Variants in PPP6R2 observed in about 807,000 individuals in gnomAD.
The protein encoded by PPP6R2 is serine/threonine-protein phosphatase 6 regulatory subunit 2.
In PPP6R2, 62 loss-of-function variants were observed where a neutral mutation model predicts 100.2. The observed-to-expected ratio is 0.62, with a 90% CI of 0.50 to 0.76. The LOEUF (loss-of-function observed/expected upper bound fraction) is 0.76. Among genes scored for constraint, PPP6R2 ranks in the 30% least tolerant of loss-of-function variants. The pLI, the probability that PPP6R2 is intolerant of heterozygous loss-of-function variation, is 0.00. For synonymous variants in PPP6R2, 525 were observed against 514.7 expected, an observed-to-expected ratio of 1.02 and a Z score of -0.27; for missense variants, 1,142 against 1,276.3, an observed-to-expected ratio of 0.89 and a Z score of 1.60.
At chr22:50,351,093 TGCAATGGC>T (rs2045098878) in intron 1 of PPP6R2, among the ~76,000 whole-genome samples, 1 of 125,032 alleles carries the variant, frequency 8.0e-6, no homozygotes, top group Non-Finnish European at 1.6e-5. Flanking sequence ...CAGGCTGGAG[TGCAATGGC>T]GCAATCTTGG....
intron 1 of PPP6R2, among the ~76,000 whole-genome samples, chr22:50,358,010 G>A (rs2046979043): frequency 6.6e-6 from 1 of 151,832 alleles, no homozygotes; most frequent in Admixed American, 6.6e-5. Flanking sequence ...GGAGTGCAGT[G>A]GCGTGATCGT....
intron 1 of PPP6R2, among the ~76,000 whole-genome samples, chr22:50,352,825 G>A (rs1387717133): frequency 6.6e-6 from 1 of 152,102 alleles, no homozygotes; most frequent in Non-Finnish European, 1.5e-5. Context: ...CCAGCACTTT[G>A]GGAGGCTGAG....
At chr22:50,349,588 G>C (rs187093330) in intron 1 of PPP6R2, among the ~76,000 whole-genome samples, 140 of 152,162 alleles carry the variant, frequency 9.2e-4, no homozygotes, top group African/African-American at 3.3e-3. Context: ...CAGTTTGGGA[G>C]GCTGAGGCAG....
chr22:50,424,104 C>A (rs571122744), intron 10 of PPP6R2, among the ~76,000 whole-genome samples: 1 of 152,162 alleles, frequency 6.6e-6, no homozygotes, highest in Non-Finnish European at 1.5e-5. Context: ...AAGGGGCAGG[C>A]GGTGCTGGCA....
At chr22:50,419,095 A>G (rs1419744898) in intron 7 of PPP6R2, 116 bp downstream of exon 7, 4 of 884,948 alleles carry the variant, frequency 4.5e-6, no homozygotes, top group Non-Finnish European at 7.2e-6. Flanking sequence ...TCACATTCGA[A>G]TGAACCCCAG....
At chr22:50,361,650 G>A (rs189353060) in intron 1 of PPP6R2, among the ~76,000 whole-genome samples, 1 of 152,056 alleles carries the variant, frequency 6.6e-6, no homozygotes, top group East Asian at 1.9e-4. Flanking sequence ...AACAGTCTCA[G>A]CCCAGAGTAT....
chr22:50,444,392 G>C lies in PPP6R2; in HGVS notation c.*145G>C. ...TTGGTAAAGCTGGCAGTTGAAACCA[G>C]TTGGACGGCCCAGCTTGCGTCTCTT... is the stretch of plus-strand genomic sequence containing the variant. On this transcript the variant is annotated 3_prime_UTR_variant, in exon 24 of 24. Coordinates refer to ENST00000612753, the MANE Select transcript of PPP6R2 (RefSeq NM_001242898.2). The C allele has an allele frequency of 9.0e-7, 1 of 1,110,806 alleles. No individual in the cohort carries two copies. Among genetic ancestry groups the C allele is most frequent in the Admixed American group, 2.7e-5 (1 of 37,316 alleles). 68.8% of individuals were successfully genotyped at this position (1,110,806 alleles called of 1,614,324 possible). A position where few individuals can be genotyped will look rare whatever the true frequency, so the allele number is the denominator to read the frequency against.
intron 18 of PPP6R2, 31 bp from the exon 19 acceptor site, chr22:50,438,568 C>T: frequency 6.2e-7 from 1 of 1,611,568 alleles, no homozygotes; most frequent in Non-Finnish European, 8.5e-7. Context: ...CGTCCTGGGC[C>T]ACCAGACATC....
intron 19 of PPP6R2, among the ~76,000 whole-genome samples, chr22:50,439,177 C>T (rs2065047996): frequency 6.6e-6 from 1 of 152,214 alleles, no homozygotes; most frequent in South Asian, 2.1e-4. Flanking sequence ...GACCCCTCTC[C>T]TTACCCTGCC....
At position 50,425,314 on chromosome 22, in the gene PPP6R2, T is replaced by C. The variant is rs1273341836; in HGVS notation, c.1125+1700T>C. On this transcript the variant is annotated intron_variant, in intron 10 of 23. Coordinates refer to ENST00000612753, the MANE Select transcript of PPP6R2 (RefSeq NM_001242898.2). ...TGTGCCCAAGGTTCATTCAGTATTG[T>C]ACTGTATGTCCAAATTTCCTTCCTT... 5.9e-5 allele frequency among the ~76,000 whole-genome samples: 9 copies of C among 152,248 alleles called. No homozygotes were observed. The South Asian group carries it at 1.9e-3, about 31-fold the overall frequency.
At chr22:50,428,308 A>G (rs2062557376) in intron 10 of PPP6R2, among the ~76,000 whole-genome samples, 1 of 152,238 alleles carries the variant, frequency 6.6e-6, no homozygotes, top group Non-Finnish European at 1.5e-5. Flanking sequence ...GTGCTAGTGT[A>G]TGGAAATGCA....
intron 2 of PPP6R2, among the ~76,000 whole-genome samples, chr22:50,383,563 C>T (rs1350735405): frequency 5.9e-5 from 9 of 152,082 alleles, no homozygotes; most frequent in Non-Finnish European, 1.0e-4. Context: ...TGTCTTGTTC[C>T]CTGTCTCTTT....
At chr22:50,338,704 TAG>T (rs2042332131), upstream of PPP6R2, among the ~76,000 whole-genome samples, 1 of 133,916 alleles carries the variant, frequency 7.5e-6, no homozygotes, top group Admixed American at 7.4e-5. Context: ...GTGGTGTGTG[TAG>T]GGTGTGTGGT....
chr22:50,350,793 C>T (rs960112784), intron 1 of PPP6R2, among the ~76,000 whole-genome samples: 10 of 149,672 alleles, frequency 6.7e-5, no homozygotes, highest in African/African-American at 2.2e-4. Flanking sequence ...TGCAGTGAGC[C>T]GAGATTGCCC....
At chr22:50,335,824 T>C in the PPP6R2 span, among the ~76,000 whole-genome samples, 4 of 142,970 alleles carry the variant, frequency 2.8e-5, no homozygotes, top group Admixed American at 1.4e-4. Flanking sequence ...TACAGGCACC[T>C]GCCACCACGC....
chr22:50,374,846 G>A (rs1335052953), intron 2 of PPP6R2, among the ~76,000 whole-genome samples: 2 of 147,096 alleles, frequency 1.4e-5, no homozygotes, highest in Non-Finnish European at 3.0e-5. Flanking sequence ...CGTGGGAGAT[G>A]GATGTTGCAG....
rs944341260 is a variant in PPP6R2, at chr22:50,444,323, C to A, written c.*76C>A. 6.7e-6 allele frequency: 8 copies of A among 1,194,494 alleles called. No homozygotes were observed. Among genetic ancestry groups the A allele is most frequent in the East Asian group, 2.8e-5 (1 of 35,514 alleles). The allele number at this position is 1,194,494 out of a possible 1,614,324, so 74.0% of individuals were successfully genotyped here. On this transcript the variant is annotated 3_prime_UTR_variant, in exon 24 of 24. Transcript: ENST00000612753. ...CGAGAAAACTACCTGGTGATGCAAT[C>A]TTTTTTTTTTTTAATTTAATTTAAT... is the stretch of plus-strand genomic sequence containing the variant.
the PPP6R2 span, among the ~76,000 whole-genome samples, chr22:50,338,014 GT>G: frequency 1.4e-5 from 2 of 145,422 alleles, no homozygotes; most frequent in African/African-American, 2.6e-5. Context: ...TATAGTGTGT[GT>G]GGGGGGTATG....
chr22:50,438,812 T>C, intron 19 of PPP6R2, 50 bp downstream of exon 19: 2 of 1,513,840 alleles, frequency 1.3e-6, no homozygotes, highest in South Asian at 1.2e-5. Flanking sequence ...GGACAGGACA[T>C]GGTACCCCGG....
Sources: allele counts gnomAD v4.1 joint callset (sites outside exome capture counted in the v4.1 genomes callset), GRCh38; gene constraint gnomAD v4.1.1; transcripts MANE v1.5; gene names NCBI Gene and HGNC (gene_info 2026-07-23, HGNC 2026-07-21).